The following KIAA1549L variants were observed in gnomAD, a reference collection of about 807,000 sequenced individuals.
KIAA1549L encodes the protein UPF0606 protein KIAA1549L.
KIAA1549L carries 88 observed loss-of-function variants against 160.7 expected under a neutral mutation model. The observed-to-expected ratio is 0.55, with a 90% CI of 0.46 to 0.65. The LOEUF (loss-of-function observed/expected upper bound fraction) is 0.65, where lower values mean the gene tolerates loss of function less well. Among genes scored for constraint, KIAA1549L ranks in the 30% least tolerant of loss-of-function variants. The pLI is 0.00. For missense variants in KIAA1549L, 2,258 were observed against 2,437.5 expected (o/e 0.93, Z 1.55); for synonymous variants, 950 against 976.7 (o/e 0.97, Z 0.51).
chr11:33,600,121 TGTTTAAA>T (rs1340931063), intron 13 of KIAA1549L, among the ~76,000 whole-genome samples: 2 of 152,256 alleles, frequency 1.3e-5, no homozygotes, highest in Admixed American at 6.5e-5. Flanking sequence ...ATAAAGCACT[TGTTTAAA>T]GTTTAAACTG....
chr11:33,537,723 A>G (rs1853924677), intron 1 of KIAA1549L, among the ~76,000 whole-genome samples: 1 of 152,112 alleles, frequency 6.6e-6, no homozygotes. Context: ...GGTTTCTTGA[A>G]TCAGTCTTTT....
chr11:33,447,796 T>C (rs1194971325), intron 1 of KIAA1549L, among the ~76,000 whole-genome samples: 2 of 152,330 alleles, frequency 1.3e-5, no homozygotes, highest in African/African-American at 4.8e-5. Flanking sequence ...TTACCCTTAG[T>C]ACCTAGACTA....
chr11:33,466,002 A>G (rs144373700), intron 1 of KIAA1549L, among the ~76,000 whole-genome samples: 7 of 152,368 alleles, frequency 4.6e-5, no homozygotes, highest in Non-Finnish European at 8.8e-5. Flanking sequence ...CCTACTTGTT[A>G]ATCACAACAT....
At chr11:33,403,288 C>CAGAA (rs1565121776) in intron 1 of KIAA1549L, 1 of 8,586 alleles carries the variant, frequency 1.2e-4, no homozygotes, top group Non-Finnish European at 2.9e-4. Context: ...CACAGACACA[C>CAGAA]ACACACACAC....
chr11:33,602,722 T>A (rs1307492772), intron 13 of KIAA1549L, among the ~76,000 whole-genome samples: 1 of 152,268 alleles, frequency 6.6e-6, no homozygotes. Flanking sequence ...CTTTAGGGAC[T>A]AATCATGCAT....
chr11:33,644,603 C>A (rs1347020882), intron 16 of KIAA1549L, among the ~76,000 whole-genome samples: 5 of 152,196 alleles, frequency 3.3e-5, no homozygotes, highest in Non-Finnish European at 7.3e-5. Flanking sequence ...TTATAAAAGC[C>A]TTTGAGGCAG....
At chr11:33,623,694 G>A (rs772871180) in intron 16 of KIAA1549L, among the ~76,000 whole-genome samples, 4 of 152,188 alleles carry the variant, frequency 2.6e-5, no homozygotes, top group Admixed American at 6.5e-5. Context: ...CACTTGGCGA[G>A]TGGGGAGTGG....
At chr11:33,667,821 G>A in intron 20 of KIAA1549L, 52 bp from the exon 21 acceptor site, 2 of 1,518,344 alleles carry the variant, frequency 1.3e-6, no homozygotes, top group Non-Finnish European at 1.8e-6. Flanking sequence ...CCTGTGACTT[G>A]AGCTCCTTCC....
At chr11:33,659,655 G>GGT (rs1163733031) in intron 19 of KIAA1549L, among the ~76,000 whole-genome samples, 1 of 152,186 alleles carries the variant, frequency 6.6e-6, no homozygotes, top group Non-Finnish European at 1.5e-5. Context: ...AAGCATTCAT[G>GGT]GTGTCTAGAA....
At chr11:33,623,675 G>A (rs959763693) in intron 16 of KIAA1549L, among the ~76,000 whole-genome samples, 21 of 152,158 alleles carry the variant, frequency 1.4e-4, no homozygotes, top group African/African-American at 5.1e-4. Flanking sequence ...CAACCCCAGT[G>A]ATGGAGGCCA....
chr11:33,395,362 A>T (rs1340761952), intron 1 of KIAA1549L, among the ~76,000 whole-genome samples: 1 of 152,222 alleles, frequency 6.6e-6, no homozygotes, highest in African/African-American at 2.4e-5. Flanking sequence ...TATCTCAGGA[A>T]AAAGGTGCTA....
chr11:33,440,366 G>A lies in KIAA1549L; in HGVS notation c.238+63477G>A, dbSNP rs535197351. On this transcript the variant is annotated intron_variant, in intron 1 of 20. Coordinates refer to ENST00000658780, the MANE Select transcript of KIAA1549L (RefSeq NM_012194.3). The stretch of plus-strand genomic sequence containing the variant: ...GGGATGGTCTCGATCTCCTGACCTC[G>A]TGATCCGCCCGCCTCGGCCTCCCAA... 9.9e-5 allele frequency among the ~76,000 whole-genome samples: 15 copies of A among 151,704 alleles called. No individual in the cohort carries two copies. The South Asian group carries it at 1.3e-3, about 13-fold the overall frequency.
chr11:33,512,127 G>A (rs1853241244), intron 1 of KIAA1549L, among the ~76,000 whole-genome samples: 1 of 152,162 alleles, frequency 6.6e-6, no homozygotes, highest in Admixed American at 6.5e-5. Context: ...AGAGGGTCAC[G>A]TAAAATGTCA....
chr11:33,485,261 G>C (rs1207869797), intron 1 of KIAA1549L, among the ~76,000 whole-genome samples: 1 of 152,064 alleles, frequency 6.6e-6, no homozygotes, highest in African/African-American at 2.4e-5. Flanking sequence ...AGAATCTGTA[G>C]TTTCTTTTGC....
intron 16 of KIAA1549L, among the ~76,000 whole-genome samples, chr11:33,627,393 C>T (rs996183451): frequency 6.6e-6 from 1 of 151,228 alleles, no homozygotes; most frequent in Admixed American, 6.6e-5. Flanking sequence ...GTCCTGGAAT[C>T]TTTTTGGTTG....
At chr11:33,403,283 A>AAACACACAGACACACATAGACACATG (rs1565121766) in intron 1 of KIAA1549L, 1 of 29,654 alleles carries the variant, frequency 3.4e-5, no homozygotes, top group Non-Finnish European at 6.1e-5. Flanking sequence ...ACAGACACAG[A>AAACACACAGACACACATAGACACATG]CACACACACA....
chr11:33,432,652 C>T (rs1393767057), intron 1 of KIAA1549L, among the ~76,000 whole-genome samples: 1 of 152,142 alleles, frequency 6.6e-6, no homozygotes, highest in African/African-American at 2.4e-5. Context: ...AAGAACAAAG[C>T]TGGAGGCATC....
intron 12 of KIAA1549L, among the ~76,000 whole-genome samples, chr11:33,597,895 C>T (rs748832173): frequency 1.2e-4 from 19 of 152,220 alleles, no homozygotes; most frequent in Non-Finnish European, 2.5e-4. Context: ...ACTTCACTTC[C>T]ATGAGCTTCA....
intron 1 of KIAA1549L, among the ~76,000 whole-genome samples, chr11:33,532,014 T>A (rs1351495074): frequency 6.6e-6 from 1 of 152,086 alleles, no homozygotes; most frequent in Non-Finnish European, 1.5e-5. Context: ...CCGCCCCAGA[T>A]CTGGAGATGG....
Sources: gnomAD v4.1 joint callset for allele counts (sites outside exome capture counted in the v4.1 genomes callset) on GRCh38, gnomAD v4.1.1 for gene constraint, MANE v1.5 for transcripts, NCBI Gene and HGNC (gene_info 2026-07-23, HGNC 2026-07-21) for gene names.